The following BRINP1 variants were observed in gnomAD, a reference collection of about 807,000 sequenced individuals.
BRINP1 encodes BMP/retinoic acid-inducible neural-specific protein 1.
A neutral mutation model predicts 72.9 loss-of-function variants in BRINP1; 17 were observed. The observed-to-expected ratio is 0.23, with a 90% CI of 0.16 to 0.35. BRINP1 has a LOEUF of 0.35. Ranked by LOEUF, BRINP1 falls within the 10% of genes least tolerant of loss-of-function variation. The probability of loss-of-function intolerance (pLI) is 1.00; values close to 1 mark genes in which losing one functional copy is unlikely to be tolerated. For missense variants in BRINP1, 850 were observed against 1,001.6 expected (o/e 0.85, Z 2.04); for synonymous variants, 418 against 378.5 (o/e 1.10, Z -1.21).
At position 119,368,680 on chromosome 9, in the gene BRINP1, C is replaced by A. The variant is rs1307061135; in HGVS notation, c.-51+376G>T. Among the ~76,000 whole-genome samples, 1 of 151,930 alleles carries A rather than the reference C, an allele frequency of 6.6e-6. No individual in the cohort carries two copies. ...ATCGCGCCGTAAGTAGGTTATAGGA[C>A]CTCTCTCTCTTCACCCCTCCCTTAC... On this transcript the variant is annotated intron_variant, in intron 1 of 7. Coordinates refer to ENST00000265922, the MANE Select transcript of BRINP1 (RefSeq NM_014618.3). The surrounding 1 kb of genome is among the most constrained non-coding windows in gnomAD (Gnocchi z 4.7).
chr9:119,367,220 T>TTA (rs1564259751), intron 1 of BRINP1, among the ~76,000 whole-genome samples: 1 of 44,810 alleles, frequency 2.2e-5, no homozygotes, highest in African/African-American at 8.0e-5. Flanking sequence ...TGTGTGTGAT[T>TTA]GATATATATA....
intron 1 of BRINP1, among the ~76,000 whole-genome samples, chr9:119,358,222 A>C (rs1400818417): frequency 6.6e-6 from 1 of 152,172 alleles, no homozygotes; most frequent in Non-Finnish European, 1.5e-5. Flanking sequence ...CAGTTCACAC[A>C]AGAGCATCCA....
intron 1 of BRINP1, among the ~76,000 whole-genome samples, chr9:119,358,945 A>C (rs918213535): frequency 3.3e-5 from 5 of 152,230 alleles, no homozygotes; most frequent in African/African-American, 1.2e-4. Flanking sequence ...GTTAGTAGAA[A>C]TAATTGAGCA....
chr9:119,202,384 C>T (rs940956229), intron 7 of BRINP1, among the ~76,000 whole-genome samples: 2 of 152,218 alleles, frequency 1.3e-5, no homozygotes, highest in South Asian at 2.1e-4. Flanking sequence ...ATTGCATAGC[C>T]CCCTTTCTAC....
rs577604183 is a variant in BRINP1, at chr9:119,347,558, T to G, written c.-51+21498A>C. On this transcript the variant is annotated intron_variant, in intron 1 of 7. Transcript: ENST00000265922. ...AAATCAATCAAACCTTGATTTCACC[T>G]TGATCAATGGCTTCCTCCCACCTCT... 1.5e-4 allele frequency among the ~76,000 whole-genome samples: 23 copies of G among 152,276 alleles called. No individual in the cohort carries two copies. The South Asian group carries it at 3.3e-3, about 22-fold the overall frequency.
intron 2 of BRINP1, 96 bp from the exon 3 acceptor site, chr9:119,249,246 G>T: frequency 8.5e-7 from 1 of 1,177,190 alleles, no homozygotes; most frequent in Non-Finnish European, 1.2e-6. Flanking sequence ...CTCCTTAAGT[G>T]GGAAAGTGCC....
intron 2 of BRINP1, among the ~76,000 whole-genome samples, chr9:119,281,627 A>G (rs1288717268): frequency 6.6e-6 from 1 of 152,200 alleles, no homozygotes; most frequent in Non-Finnish European, 1.5e-5. Context: ...ATTCAAAATT[A>G]TTCATTATTC....
intron 2 of BRINP1, among the ~76,000 whole-genome samples, chr9:119,280,576 C>T (rs897187761): frequency 7.2e-5 from 11 of 152,062 alleles, no homozygotes; most frequent in African/African-American, 2.7e-4. Context: ...GCTGTTGAAT[C>T]AAACCCAATT....
chr9:119,172,872 G>A (rs1426386811), intron 7 of BRINP1, among the ~76,000 whole-genome samples: 1 of 149,420 alleles, frequency 6.7e-6, no homozygotes, highest in Non-Finnish European at 1.5e-5. Context: ...CAGAGACAAA[G>A]ACAAAAACCA....
intron 7 of BRINP1, among the ~76,000 whole-genome samples, chr9:119,203,178 G>A (rs542723499): frequency 1.3e-5 from 2 of 152,258 alleles, no homozygotes; most frequent in South Asian, 4.2e-4. Flanking sequence ...ACTGCCCACT[G>A]CTTAGACAGC....
chr9:119,365,480 T>C (rs1194534088), intron 1 of BRINP1, among the ~76,000 whole-genome samples: 1 of 152,156 alleles, frequency 6.6e-6, no homozygotes, highest in African/African-American at 2.4e-5. Context: ...GTAGGGTATG[T>C]CTAACCTTAA....
chr9:119,242,925 G>C (rs1285918581), intron 3 of BRINP1, among the ~76,000 whole-genome samples: 1 of 151,954 alleles, frequency 6.6e-6, no homozygotes, highest in Admixed American at 6.6e-5. Context: ...GGAAGCTCCA[G>C]GGAGCTGCCT....
intron 2 of BRINP1, among the ~76,000 whole-genome samples, chr9:119,288,704 G>A (rs1368605488): frequency 6.6e-6 from 1 of 152,218 alleles, no homozygotes; most frequent in Middle Eastern, 3.2e-3. Context: ...ATGGCACATA[G>A]TAGGTGCTCA....
At chr9:119,367,804 A>G (rs1393078330) in intron 1 of BRINP1, among the ~76,000 whole-genome samples, 1 of 150,788 alleles carries the variant, frequency 6.6e-6, no homozygotes, top group African/African-American at 2.4e-5. Context: ...GATCTCCCTC[A>G]GTACTGAAAC....
intron 1 of BRINP1, among the ~76,000 whole-genome samples, chr9:119,357,279 A>C (rs1013019056): frequency 6.6e-6 from 1 of 152,202 alleles, no homozygotes; most frequent in African/African-American, 2.4e-5. Flanking sequence ...GTATAAGTGA[A>C]GCAGAGAGAA....
intron 7 of BRINP1, among the ~76,000 whole-genome samples, chr9:119,203,742 T>C (rs1164774786): frequency 6.6e-6 from 1 of 152,230 alleles, no homozygotes; most frequent in Non-Finnish European, 1.5e-5. Context: ...CTATTGCTTG[T>C]TATTCTAGCT....
intron 2 of BRINP1, among the ~76,000 whole-genome samples, chr9:119,302,124 G>T (rs1392936241): frequency 6.6e-6 from 1 of 152,190 alleles, no homozygotes; most frequent in East Asian, 1.9e-4. Flanking sequence ...GCAAACGAAG[G>T]ATGCTTGATA....
chr9:119,313,152 T>C lies in BRINP1; in HGVS notation c.204A>G (p.Arg68=), dbSNP rs751432131. 3.1e-6 allele frequency: 5 copies of C among 1,614,022 alleles called. No individual in the cohort carries two copies. The highest frequency in any genetic ancestry group is 4.2e-6 in the Non-Finnish European group (5 of 1,180,016). The change falls in exon 2 of 8, where the codon AGA becomes AGG. Residue 68 remains arginine (R), a synonymous_variant. Transcript: ENST00000265922. The stretch of plus-strand genomic sequence containing the variant: ...CCAGGTCTTACCTGTATATTTTATA[T>C]CTGGTTGTAAATCCTTGACGGTGTC... The part of the protein sequence containing the change: ...VERHRQGFTT[R]YKIYREFARW...
At chr9:119,286,776 G>T in intron 2 of BRINP1, among the ~76,000 whole-genome samples, 1 of 152,174 alleles carries the variant, frequency 6.6e-6, no homozygotes, top group East Asian at 1.9e-4. Context: ...TGCACAAGAG[G>T]ACGGGGGAAC....
Sources: allele counts gnomAD v4.1 joint callset (sites outside exome capture counted in the v4.1 genomes callset), GRCh38; gene constraint gnomAD v4.1.1; non-coding constraint Gnocchi (gnomAD v3.1); transcripts MANE v1.5; gene names NCBI Gene and HGNC (gene_info 2026-07-23, HGNC 2026-07-21).